The following PDZD8 variants were observed in gnomAD, a reference collection of about 807,000 sequenced individuals.
The protein encoded by PDZD8 is PDZ domain-containing protein 8.
PDZD8 carries 14 observed loss-of-function variants against 85.8 expected under a neutral mutation model. The ratio of observed to expected loss-of-function variants is 0.16; its 90% CI spans 0.11 to 0.26. PDZD8 has a LOEUF of 0.26. PDZD8 is among the 10% of genes least tolerant of loss of function. The probability of loss-of-function intolerance (pLI) is 1.00; values close to 1 mark genes in which losing one functional copy is unlikely to be tolerated. For missense variants in PDZD8, 1,197 were observed against 1,424.3 expected (o/e 0.84, Z 2.57); for synonymous variants, 592 against 568.6 (o/e 1.04, Z -0.59).
rs1259594059 is a variant in PDZD8 at position 117,325,777 on chromosome 10, T to C, written c.996-6803A>G. ...ACTGTAAGTTTTTATTATCTTCCTA[T>C]AGACTGAACTGGATCCTGGATTCTT... On this transcript the variant is annotated intron_variant, in intron 2 of 4. Coordinates refer to ENST00000334464, the MANE Select transcript of PDZD8 (RefSeq NM_173791.5). Among the ~76,000 whole-genome samples the C allele has an allele frequency of 4.6e-5, 7 of 152,204 alleles. No individual in the cohort carries two copies. In the East Asian group the frequency reaches 1.3e-3, roughly 29 times the overall value.
Position 117,375,045 on chromosome 10 carries a change from A to G in PDZD8, c.183T>C (p.Tyr61=). Residue 61 remains tyrosine, a synonymous_variant, in exon 1 of 5, where the codon TAT becomes TAC. Coordinates refer to ENST00000334464, the MANE Select transcript of PDZD8 (RefSeq NM_173791.5). ...AGGGCTCCTCATCCCGGCCGCCGCC[A>G]TAAAGGTACTCCCTTAGGAGCAGGC... is the stretch of plus-strand genomic sequence containing the variant. ...VPGLLLREYL[Y]GGGRDEEPSG... The G allele has an allele frequency of 6.3e-7, 1 of 1,597,494 alleles. No homozygotes were observed. The highest frequency in any genetic ancestry group is 1.1e-5 in the South Asian group (1 of 89,796).
intron 1 of PDZD8, among the ~76,000 whole-genome samples, chr10:117,348,470 G>A (rs1232121561): frequency 1.3e-5 from 2 of 152,088 alleles, no homozygotes; most frequent in Non-Finnish European, 2.9e-5. Flanking sequence ...GTGTTAATCC[G>A]CGATGGCTTC....
intron 1 of PDZD8, among the ~76,000 whole-genome samples, chr10:117,362,530 G>C (rs561115244): frequency 6.6e-6 from 1 of 152,040 alleles, no homozygotes; most frequent in African/African-American, 2.4e-5. Flanking sequence ...GAAATCATAA[G>C]AGCACAGATA....
intron 4 of PDZD8, among the ~76,000 whole-genome samples, chr10:117,286,553 G>A (rs1454829040): frequency 6.6e-6 from 1 of 152,176 alleles, no homozygotes; most frequent in African/African-American, 2.4e-5. Flanking sequence ...TTTAGACTCG[G>A]TCATCACTTG....
chr10:117,297,054 C>T (rs1843769616), intron 3 of PDZD8, among the ~76,000 whole-genome samples: 1 of 151,942 alleles, frequency 6.6e-6, no homozygotes, highest in African/African-American at 2.4e-5. Flanking sequence ...AGGACCTTGA[C>T]CCATGAATAT....
intron 2 of PDZD8, 105 bp downstream of exon 2, chr10:117,340,875 G>T: frequency 8.0e-7 from 1 of 1,254,768 alleles, no homozygotes. Context: ...GAATTTACAG[G>T]TAAATAATAT....
intron 4 of PDZD8, among the ~76,000 whole-genome samples, chr10:117,287,096 T>G (rs143699395): frequency 6.6e-6 from 1 of 152,334 alleles, no homozygotes; most frequent in East Asian, 1.9e-4. Flanking sequence ...TAGTATTATC[T>G]TACTTCAGAG....
intron 2 of PDZD8, among the ~76,000 whole-genome samples, chr10:117,334,213 AGGGCTTCATGCCTGTAATGTT>A (rs1844477331): frequency 6.6e-6 from 1 of 152,242 alleles, no homozygotes; most frequent in African/African-American, 2.4e-5. Flanking sequence ...GGCAGGGCAC[AGGGCTTCATGCCTGTAATGTT>A]GGGCTTCATG....
intron 2 of PDZD8, among the ~76,000 whole-genome samples, chr10:117,335,187 T>C (rs942520929): frequency 6.6e-6 from 1 of 152,188 alleles, no homozygotes; most frequent in African/African-American, 2.4e-5. Flanking sequence ...AGTTGCTGAC[T>C]TCTCATCAGA....
chr10:117,297,998 C>T (rs1843783821), intron 3 of PDZD8, among the ~76,000 whole-genome samples: 1 of 151,986 alleles, frequency 6.6e-6, no homozygotes, highest in African/African-American at 2.4e-5. Flanking sequence ...TAATAAAAGA[C>T]AACTTGGTAT....
chr10:117,353,569 C>A (rs374749467), intron 1 of PDZD8, among the ~76,000 whole-genome samples: 10 of 152,036 alleles, frequency 6.6e-5, no homozygotes, highest in African/African-American at 2.4e-4. Flanking sequence ...AAAAAATGAT[C>A]CTAAGCTAGA....
intron 3 of PDZD8, among the ~76,000 whole-genome samples, chr10:117,291,204 T>C (rs555718751): frequency 6.7e-6 from 1 of 149,164 alleles, no homozygotes; most frequent in Non-Finnish European, 1.5e-5. Context: ...TTTTTGGGAA[T>C]AGGCAAAGGA....
intron 3 of PDZD8, among the ~76,000 whole-genome samples, chr10:117,310,141 T>C (rs1331515185): frequency 3.3e-5 from 5 of 152,164 alleles, no homozygotes; most frequent in Admixed American, 3.3e-4. Context: ...GATACTCAAA[T>C]AGTCTCACTC....
At chr10:117,322,644 G>C (rs1052875603) in intron 2 of PDZD8, among the ~76,000 whole-genome samples, 5 of 152,166 alleles carry the variant, frequency 3.3e-5, no homozygotes, top group Admixed American at 1.3e-4. Flanking sequence ...TCAGGTAAGA[G>C]AGGCCTCAGG....
chr10:117,341,747 A>T (rs1031875420), intron 1 of PDZD8, among the ~76,000 whole-genome samples: 1 of 152,226 alleles, frequency 6.6e-6, no homozygotes, highest in African/African-American at 2.4e-5. Context: ...AAATATTTTC[A>T]ATCCACAGTT....
intron 3 of PDZD8, among the ~76,000 whole-genome samples, chr10:117,290,844 T>A (rs1844746076): frequency 6.6e-6 from 1 of 150,460 alleles, no homozygotes; most frequent in Admixed American, 6.6e-5. Context: ...CTTTGGAAAC[T>A]CCATTTTGTA....
At chr10:117,311,430 C>A (rs1200254822) in intron 3 of PDZD8, among the ~76,000 whole-genome samples, 1 of 152,152 alleles carries the variant, frequency 6.6e-6, no homozygotes, top group African/African-American at 2.4e-5. Context: ...GGCTCATGGT[C>A]AGACAGCCAG....
rs777238857 is a variant in PDZD8 at position 117,284,458 on chromosome 10, C to G, written c.2275G>C (p.Ala759Pro). ...GTGACTATAGCCTTAGGTGAGGGGG[C>G]TTCCAGTCTCAATTTGGAAAGGTAT... ...TEYLSKLRLE[A>P]PSPKAIVTRT... The change falls in exon 5 of 5, where the codon GCC becomes CCC. Residue 759 changes from alanine (A) to proline (P), a missense_variant. Around this residue, in one of 4 missense-constraint regions of PDZD8, gnomAD observed 418 missense variants for 571.1 expected, o/e 0.73. Transcript: ENST00000334464. 6.2e-7 allele frequency: 1 copy of G among 1,614,118 alleles called. No homozygotes were observed. Among genetic ancestry groups the G allele is most frequent in the Admixed American group, 1.7e-5 (1 of 60,022 alleles).
At chr10:117,364,214 G>A (rs1243296348) in intron 1 of PDZD8, among the ~76,000 whole-genome samples, 1 of 151,822 alleles carries the variant, frequency 6.6e-6, no homozygotes, top group Non-Finnish European at 1.5e-5. Flanking sequence ...GTGTGAGAGT[G>A]TGTGTGTGTC....
Sources: gnomAD v4.1 joint callset for allele counts (sites outside exome capture counted in the v4.1 genomes callset) on GRCh38, gnomAD v4.1.1 for gene constraint, gnomAD v4.1.1 regional missense constraint, MANE v1.5 for transcripts, NCBI Gene and HGNC (gene_info 2026-07-23, HGNC 2026-07-21) for gene names.